Variants in TCF20 observed in about 807,000 individuals in gnomAD.
The protein encoded by TCF20 is transcription factor 20, also known as SPRE-binding protein.
TCF20 carries 3 observed loss-of-function variants against 148.6 expected under a neutral mutation model. That is an observed-to-expected ratio of 0.02 (90% CI 0.01 to 0.05). The LOEUF (loss-of-function observed/expected upper bound fraction) is 0.05. TCF20 is among the 10% of genes least tolerant of loss of function. The pLI, the probability that TCF20 is intolerant of heterozygous loss-of-function variation, is 1.00. For synonymous variants in TCF20, 1,049 were observed against 909.5 expected (o/e 1.15, Z -2.76); for missense variants, 2,350 against 2,429.3 (o/e 0.97, Z 0.69).
At chr22:42,256,302 G>C (rs1418487297) in intron 1 of TCF20, among the ~76,000 whole-genome samples, 1 of 152,160 alleles carries the variant, frequency 6.6e-6, no homozygotes, top group Non-Finnish European at 1.5e-5. Context: ...TTTGATTTTT[G>C]TGTGTGTGTG....
chr22:42,166,655 A>T (rs1392806084), intron 5 of TCF20, among the ~76,000 whole-genome samples: 1 of 151,754 alleles, frequency 6.6e-6, no homozygotes, highest in Non-Finnish European at 1.5e-5. Flanking sequence ...GCTAGGAAGG[A>T]AGGCCCAAGA....
At chr22:42,248,932 G>T (rs75220048) in intron 1 of TCF20, among the ~76,000 whole-genome samples, 1 of 152,174 alleles carries the variant, frequency 6.6e-6, no homozygotes, top group African/African-American at 2.4e-5. Context: ...TAGAAACCTG[G>T]TAAAGCACTG....
chr22:42,213,279 T>C lies in TCF20; in HGVS notation c.2027A>G (p.Asn676Ser). 1 of 1,614,102 alleles carries C rather than the reference T, an allele frequency of 6.2e-7. No homozygotes were observed. Among genetic ancestry groups the C allele is most frequent in the Non-Finnish European group, 8.5e-7 (1 of 1,180,012 alleles). ...GCCACTCTGGCCATTTCCTTCTCCA[T>C]TATGGTTGGAGTTGTTATCGCCATT... is the stretch of plus-strand genomic sequence containing the variant. The part of the protein sequence containing the change: ...NKNGDNNSNH[N>S]GEGNGQSGHS... The change falls in exon 2 of 6, where the codon AAT (asparagine) becomes AGT (serine). Residue 676 changes from asparagine (N) to serine (S), a missense_variant. Physicochemically the swap from Asn to Ser is conservative, Grantham distance 46. Transcript: ENST00000677622.
intron 1 of TCF20, among the ~76,000 whole-genome samples, chr22:42,242,218 A>AAAAAAAAAAAAAAAAAAAAAAAC (rs1555942526): frequency 2.8e-5 from 4 of 142,576 alleles, no homozygotes; most frequent in Non-Finnish European, 4.5e-5. Flanking sequence ...AAAAAAAAAA[A>AAAAAAAAAAAAAAAAAAAAAAAC]AAAAAAAAAC....
At chr22:42,232,345 CAAT>C (rs1923494500) in intron 1 of TCF20, among the ~76,000 whole-genome samples, 4 of 151,938 alleles carry the variant, frequency 2.6e-5, no homozygotes, top group African/African-American at 9.7e-5. Flanking sequence ...AAAAATCACT[CAAT>C]GATGCACTTC....
At chr22:42,264,246 G>A (rs1046615270) in intron 1 of TCF20, among the ~76,000 whole-genome samples, 2 of 132,046 alleles carry the variant, frequency 1.5e-5, no homozygotes, top group Non-Finnish European at 3.2e-5. Context: ...CACATCTACA[G>A]GTCTAGATCT....
At chr22:42,162,444 T>C (rs1935524035) in intron 5 of TCF20, among the ~76,000 whole-genome samples, 1 of 152,144 alleles carries the variant, frequency 6.6e-6, no homozygotes, top group African/African-American at 2.4e-5. Context: ...TTCTCTCCTC[T>C]TCCAGCCCAT....
At position 42,213,138 on chromosome 22, in the gene TCF20, C is replaced by T. The variant is rs944034179; in HGVS notation, c.2168G>A (p.Gly723Asp). ...FGSAVPRNVS[G>D]FPQYPTGQEK... is the part of the protein sequence containing the mutation. The stretch of plus-strand genomic sequence containing the variant: ...TTGCCCTGTAGGATACTGAGGAAAG[C>T]CACTGACATTTCGTGGCACGGCTGA... The change falls in exon 2 of 6, where the codon GGC (glycine) becomes GAC (aspartate). Residue 723 changes from glycine to aspartate, a missense_variant. Physicochemically the swap from Gly to Asp is moderately conservative, Grantham distance 94. Transcript: ENST00000677622. The T allele has an allele frequency of 1.9e-6, 3 of 1,614,184 alleles. No individual in the cohort carries two copies. Among genetic ancestry groups the T allele is most frequent in the Admixed American group, 1.7e-5 (1 of 60,024 alleles).
intron 1 of TCF20, among the ~76,000 whole-genome samples, chr22:42,314,496 T>C (rs1310598386): frequency 6.6e-6 from 1 of 152,210 alleles, no homozygotes; most frequent in East Asian, 1.9e-4. Flanking sequence ...CGGCCAGGCA[T>C]GTGGGCAGGC....
At chr22:42,309,170 C>T (rs559533873) in intron 1 of TCF20, among the ~76,000 whole-genome samples, 51 of 152,186 alleles carry the variant, frequency 3.4e-4, no homozygotes, top group Admixed American at 2.9e-3. Flanking sequence ...AGAGCGGAGC[C>T]GGCAACCCCT....
At position 42,210,665 on chromosome 22, in the gene TCF20, C is replaced by G. The variant is rs923460124; in HGVS notation, c.4641G>C (p.Val1547=). The G allele has an allele frequency of 1.2e-6, 2 of 1,614,176 alleles. No individual in the cohort carries two copies. Residue 1547 remains valine, a synonymous_variant, in exon 2 of 6, where the codon GTG becomes GTC. Coordinates refer to ENST00000677622, the MANE Select transcript of TCF20 (RefSeq NM_001378418.1). This position sits in a 1 kb window ranked among gnomAD's most constrained non-coding sequence, Gnocchi z 4.7. ...GCTGCTGCTGTTTCTTTTGCTTATTCACACTACCAATGGGTCTCCCCTTCT... is the reference window on the plus strand; with the variant it reads ...GCTGCTGCTGTTTCTTTTGCTTATTGACACTACCAATGGGTCTCCCCTTCT... ...GKKKGRPIGS[V]NKQKKQQQPP...
rs1010333679 is a variant in TCF20 at position 42,323,699 on chromosome 22, C to A, written c.-37+19780G>T. Among the ~76,000 whole-genome samples, 55 of 152,000 alleles carry A rather than the reference C, an allele frequency of 3.6e-4. 1 individual carries two copies. The highest frequency in any genetic ancestry group is 1.2e-3 in the African/African-American group (50 of 41,524). On this transcript the variant is annotated intron_variant, in intron 1 of 1. Transcript: ENST00000515426. Reference sequence around the variant, plus strand: ...CCATGGATAGCTGAATGCACCCACACCTTCTTCCCAGAGGCAGAAATGCAG... The same window carrying A: ...CCATGGATAGCTGAATGCACCCACAACTTCTTCCCAGAGGCAGAAATGCAG...
chr22:42,164,204 ATTTC>A (rs1268770014), intron 5 of TCF20, among the ~76,000 whole-genome samples: 2 of 132,740 alleles, frequency 1.5e-5, no homozygotes, highest in East Asian at 2.3e-4. Context: ...GGATGCACTC[ATTTC>A]TTTCTTTTTT....
rs1031710626 is a variant in TCF20 at position 42,310,649 on chromosome 22, G to A, written c.-37+32830C>T. 2.6e-5 allele frequency among the ~76,000 whole-genome samples: 4 copies of A among 152,268 alleles called. No homozygotes were observed. In the South Asian group the frequency reaches 8.3e-4, roughly 32 times the overall value. ...CTGGAATACAGTGGAGAGGACTGGC[G>A]TGGCAATGGAGTGCAAGGAGACAGG... On this transcript the variant is annotated intron_variant, in intron 1 of 1. Coordinates refer to the TCF20 transcript ENST00000515426.
chr22:42,211,295 A>G lies in TCF20; in HGVS notation c.4011T>C (p.Ala1337=). The G allele has an allele frequency of 6.2e-7, 1 of 1,614,150 alleles. No homozygotes were observed. Among genetic ancestry groups the G allele is most frequent in the South Asian group, 1.1e-5 (1 of 91,078 alleles). Residue 1337 remains alanine (A), a synonymous_variant, in exon 2 of 6, where the codon GCT becomes GCC. Transcript: ENST00000677622. ...NCPAVTLTSP[A]KTKILPPRKG... ...TCCGTGGGGGCAGTATTTTGGTCTTAGCAGGGCTTGTGAGGGTAACAGCAG... is the reference window on the plus strand; with the variant it reads ...TCCGTGGGGGCAGTATTTTGGTCTTGGCAGGGCTTGTGAGGGTAACAGCAG...
Position 42,270,385 on chromosome 22 carries a change from C to A in TCF20, c.-83G>T, listed in dbSNP as rs1046578066. Among the ~76,000 whole-genome samples the A allele has an allele frequency of 6.7e-6, 1 of 148,160 alleles. No individual in the cohort carries two copies. The highest frequency in any genetic ancestry group is 2.5e-5 in the African/African-American group (1 of 40,670). ...TCCCTCGGCCTCCGCCGGGGGCGGG[C>A]GGGGAGGGAGCGGTGGCGACGGCGG... On this transcript the variant is annotated 5_prime_UTR_variant, in exon 1 of 6. Transcript: ENST00000677622.
rs931554163 is a variant in TCF20 at position 42,219,228 on chromosome 22, G to A, written c.-36-3887C>T. 4.6e-5 allele frequency among the ~76,000 whole-genome samples: 7 copies of A among 151,166 alleles called. No individual in the cohort carries two copies. In the South Asian group the frequency reaches 1.3e-3, roughly 27 times the overall value. On this transcript the variant is annotated intron_variant, in intron 1 of 5. Coordinates refer to ENST00000677622, the MANE Select transcript of TCF20 (RefSeq NM_001378418.1). ...AAATTTTAAATGCACAGTGTCATGAGGTGTGCCTACAGTCCCAGCTGCTCA... is the reference window on the plus strand; with the variant it reads ...AAATTTTAAATGCACAGTGTCATGAAGTGTGCCTACAGTCCCAGCTGCTCA...
At chr22:42,173,821 T>C (rs1295439238) in intron 3 of TCF20, among the ~76,000 whole-genome samples, 1 of 152,084 alleles carries the variant, frequency 6.6e-6, no homozygotes, top group Non-Finnish European at 1.5e-5. Flanking sequence ...AGGAGCAAAG[T>C]GCACAGCAGC....
chr22:42,330,684 C>T (rs1927957869), intron 1 of TCF20, among the ~76,000 whole-genome samples: 1 of 152,218 alleles, frequency 6.6e-6, no homozygotes, highest in African/African-American at 2.4e-5. Flanking sequence ...AACACAGGGC[C>T]ATCGGGGTGG....
Sources: allele counts gnomAD v4.1 joint callset (sites outside exome capture counted in the v4.1 genomes callset), GRCh38; gene constraint gnomAD v4.1.1; non-coding constraint Gnocchi (gnomAD v3.1); transcripts MANE v1.5; gene names NCBI Gene and HGNC (gene_info 2026-07-23, HGNC 2026-07-21).